The following SMG6 variants were observed in gnomAD, a reference collection of about 807,000 sequenced individuals.
SMG6 encodes the protein telomerase-binding protein EST1A.
In SMG6, 66 loss-of-function variants were observed where a neutral mutation model predicts 142.2. The ratio of observed to expected loss-of-function variants is 0.46; its 90% CI spans 0.38 to 0.57. The LOEUF is 0.57. Among genes scored for constraint, SMG6 ranks in the 20% least tolerant of loss-of-function variants. The pLI is 0.00. For synonymous variants in SMG6, 779 were observed against 702.4 expected (o/e 1.11, Z -1.72); for missense variants, 1,793 against 1,832.0 (o/e 0.98, Z 0.39).
intron 8 of SMG6, among the ~76,000 whole-genome samples, chr17:2,260,999 A>T (rs1278932247): frequency 2.1e-5 from 3 of 142,864 alleles, no homozygotes; most frequent in African/African-American, 7.9e-5. Context: ...CTATCTCAAA[A>T]ATATATTTAA....
At chr17:2,070,400 C>T (rs2068068455) in intron 15 of SMG6, among the ~76,000 whole-genome samples, 1 of 152,176 alleles carries the variant, frequency 6.6e-6, no homozygotes, top group African/African-American at 2.4e-5. Flanking sequence ...GGGCAGGTCC[C>T]AGCCCTGTCA....
chr17:2,211,871 T>C (rs955329338), intron 10 of SMG6, among the ~76,000 whole-genome samples: 1 of 152,116 alleles, frequency 6.6e-6, no homozygotes, highest in African/African-American at 2.4e-5. Flanking sequence ...TCCACATCTC[T>C]CGCTCCAACT....
intron 13 of SMG6, among the ~76,000 whole-genome samples, chr17:2,140,048 T>G (rs770064177): frequency 6.7e-5 from 10 of 149,192 alleles, no homozygotes; most frequent in Non-Finnish European, 1.5e-4. Context: ...GTTAACTAAT[T>G]TTTTTTAAAC....
intron 13 of SMG6, among the ~76,000 whole-genome samples, chr17:2,162,046 C>A (rs1161303454): frequency 4.6e-5 from 7 of 152,144 alleles, no homozygotes. Flanking sequence ...AAGTCAATAA[C>A]TTCCTATAAA....
At chr17:2,197,824 C>T (rs1450422947) in intron 10 of SMG6, among the ~76,000 whole-genome samples, 1 of 152,092 alleles carries the variant, frequency 6.6e-6, no homozygotes, top group African/African-American at 2.4e-5. Flanking sequence ...AAAAACAGTA[C>T]CACCACCAAA....
At position 2,257,600 on chromosome 17, in the gene SMG6, T is replaced by C. The variant is rs150689228; in HGVS notation, c.2662-12881A>G. Among the ~76,000 whole-genome samples the C allele has an allele frequency of 2.0e-4, 31 of 152,246 alleles. No individual in the cohort carries two copies. In the East Asian group the frequency reaches 5.2e-3, roughly 26 times the overall value. ...GAAAGCCAAAGTCCTTACAATGGCC[T>C]ACAAAAGACCTATATAATCTTACTC... On this transcript the variant is annotated intron_variant, in intron 8 of 18. Transcript: ENST00000263073.
intron 15 of SMG6, among the ~76,000 whole-genome samples, chr17:2,069,291 G>A (rs1260758273): frequency 2.0e-5 from 3 of 152,134 alleles, no homozygotes; most frequent in Admixed American, 2.0e-4. Context: ...TATCTAGAAA[G>A]CCTACAGAGG....
chr17:2,267,048 A>C (rs2074437005), intron 8 of SMG6, among the ~76,000 whole-genome samples: 1 of 152,234 alleles, frequency 6.6e-6, no homozygotes, highest in Non-Finnish European at 1.5e-5. Flanking sequence ...ACGTGCTGCC[A>C]AACTGCAGTT....
Position 2,160,860 on chromosome 17 carries a change from AATTATG to A in SMG6, c.3357+11792_3357+11797del, listed in dbSNP as rs1328350288. On this transcript the variant is annotated intron_variant, in intron 13 of 18. Coordinates refer to ENST00000263073, the MANE Select transcript of SMG6 (RefSeq NM_017575.5). Reference sequence around the variant, plus strand: ...AAATAAATAAAATAAAAGTAAATATAATTATGAAGTAAAAATATATATTCTTTTACA... The same window carrying A: ...AAATAAATAAAATAAAAGTAAATATAAAGTAAAAATATATATTCTTTTACA... Among the ~76,000 whole-genome samples the A allele has an allele frequency of 3.9e-5, 6 of 152,038 alleles. No individual in the cohort carries two copies. The East Asian group carries it at 1.2e-3, about 29-fold the overall frequency.
chr17:2,297,733 A>G, intron 3 of SMG6, 130 bp downstream of exon 3: 1 of 973,994 alleles, frequency 1.0e-6, no homozygotes, highest in Non-Finnish European at 1.5e-6. Flanking sequence ...GGGAAGGCTC[A>G]GAACCCAAGA....
In SMG6 at chr17:2,065,570, C is replaced by T; in HGVS notation, c.3945G>A (p.Glu1315=). 1 of 1,614,152 alleles carries T rather than the reference C, an allele frequency of 6.2e-7. No individual in the cohort carries two copies. The highest frequency in any genetic ancestry group is 8.5e-7 in the Non-Finnish European group (1 of 1,180,040). ...EKARKSIEFL[E]QRFESRDSCL... ...AAGAGTCCCGACTCTCGAATCGCTGCTCGAGGAACTCGATGGACTTGCGGG... is the reference window on the plus strand; with the variant it reads ...AAGAGTCCCGACTCTCGAATCGCTGTTCGAGGAACTCGATGGACTTGCGGG... Residue 1315 remains glutamate (E), a synonymous_variant, in exon 17 of 19, where the codon GAG becomes GAA. Transcript: ENST00000263073.
At position 2,300,675 on chromosome 17, in the gene SMG6, G is replaced by A. The variant is rs749319842; in HGVS notation, c.89-11C>T. On this transcript the variant is annotated splice_polypyrimidine_tract_variant and intron_variant, in intron 1 of 18. Transcript: ENST00000263073. ...ATTCCTTCATGTTTTCTGTTATGTC[G>A]GGGAAAGAGTTTGGGAGGGAAAGGT... is the stretch of plus-strand genomic sequence containing the variant. 2.6e-5 allele frequency: 40 copies of A among 1,555,210 alleles called. No individual in the cohort carries two copies. The Admixed American group carries it at 2.7e-4, about 11-fold the overall frequency.
rs1024038137 is a variant in SMG6 at position 2,065,542 on chromosome 17, G to A, written c.3973C>T (p.Leu1325=). The A allele has an allele frequency of 6.2e-6, 10 of 1,613,942 alleles. No homozygotes were observed. In the African/African-American group the frequency reaches 1.3e-4, roughly 22 times the overall value. ...EQRFESRDSC[L]RALTSRGNEL... ...TTGCCACGGCTGGTCAGGGCTCGCA[G>A]GCAAGAGTCCCGACTCTCGAATCGC... Residue 1325 remains leucine (L), a synonymous_variant, in exon 17 of 19, where the codon CTG becomes TTG. Transcript: ENST00000263073.
At chr17:2,224,933 A>G (rs972441702) in intron 10 of SMG6, among the ~76,000 whole-genome samples, 6 of 152,214 alleles carry the variant, frequency 3.9e-5, no homozygotes, top group Non-Finnish European at 8.8e-5. Flanking sequence ...TTTAATCAAC[A>G]ACAGTGAAAG....
chr17:2,118,985 C>A (rs533047003), intron 13 of SMG6, among the ~76,000 whole-genome samples: 3 of 151,598 alleles, frequency 2.0e-5, no homozygotes, highest in Non-Finnish European at 4.4e-5. Flanking sequence ...ACTGCAACCT[C>A]CGTCTCCCGG....
At chr17:2,080,446 A>C (rs985792815) in intron 15 of SMG6, among the ~76,000 whole-genome samples, 43 of 152,274 alleles carry the variant, frequency 2.8e-4, no homozygotes, top group Non-Finnish European at 2.4e-4. Flanking sequence ...AACAAACAAA[A>C]AAAAGATGGC....
rs1428698863 is a variant in SMG6 at position 2,211,111 on chromosome 17, A to AAAAT, written c.2870-22600_2870-22597dup. On this transcript the variant is annotated intron_variant, in intron 10 of 18. Coordinates refer to ENST00000263073, the MANE Select transcript of SMG6 (RefSeq NM_017575.5). ...GGAGCTGGATTTTATTAAAAAAAAA[A>AAAAT]AAATAGAAAAAAGATACATAGAACA... is the stretch of plus-strand genomic sequence containing the variant. Among the ~76,000 whole-genome samples, 19 of 151,682 alleles carry AAAAT rather than the reference A, an allele frequency of 1.3e-4. No individual in the cohort carries two copies. In the South Asian group the frequency reaches 3.7e-3, roughly 30 times the overall value.
At chr17:2,226,065 C>T (rs565113194) in intron 10 of SMG6, among the ~76,000 whole-genome samples, 2 of 151,996 alleles carry the variant, frequency 1.3e-5, no homozygotes, top group Admixed American at 6.6e-5. Context: ...CGCCTGAGGT[C>T]GGGAGTTCAA....
intron 13 of SMG6, among the ~76,000 whole-genome samples, chr17:2,099,058 G>C (rs1026001247): frequency 6.6e-6 from 1 of 152,168 alleles, no homozygotes; most frequent in Non-Finnish European, 1.5e-5. Context: ...GTTTGTGTGT[G>C]TGCTTAAAAT....
Sources: allele counts gnomAD v4.1 joint callset (sites outside exome capture counted in the v4.1 genomes callset), GRCh38; gene constraint gnomAD v4.1.1; transcripts MANE v1.5; gene names NCBI Gene and HGNC (gene_info 2026-07-23, HGNC 2026-07-21).